Variants in UNC45A observed in about 807,000 individuals in gnomAD.
The protein encoded by UNC45A is protein unc-45 homolog A.
UNC45A carries 78 observed loss-of-function variants against 103.2 expected under a neutral mutation model. That is an observed-to-expected ratio of 0.76 (90% CI 0.63 to 0.91). The LOEUF is 0.91. Ranked by LOEUF, UNC45A falls within the 40% of genes least tolerant of loss-of-function variation. The probability of loss-of-function intolerance (pLI) is 0.00; values close to 1 mark genes in which losing one functional copy is unlikely to be tolerated. For synonymous variants in UNC45A, 495 were observed against 504.6 expected (o/e 0.98, Z 0.25); for missense variants, 1,193 against 1,224.8 (o/e 0.97, Z 0.39).
At chr15:90,940,527 A>G (rs1567151554) in intron 6 of UNC45A, 54 bp downstream of exon 6, 61 of 1,561,616 alleles carry the variant, frequency 3.9e-5, no homozygotes, top group Non-Finnish European at 5.0e-5. Flanking sequence ...CTGTCTGTCC[A>G]TCCATTCCTC....
chr15:90,932,828 A>C (rs981711603), upstream of UNC45A: 1 of 343,070 alleles, frequency 2.9e-6, no homozygotes, highest in Non-Finnish European at 5.2e-6. Context: ...AGGAAGACAG[A>C]CAAGAAATAA....
chr15:90,943,984 C>CTGT (rs2036426577), intron 8 of UNC45A, among the ~76,000 whole-genome samples: 1 of 99,814 alleles, frequency 1.0e-5, no homozygotes, highest in Non-Finnish European at 1.8e-5. Flanking sequence ...CCATTGTGCC[C>CTGT]TGTTTTTTTT....
chr15:90,948,708 A>G lies in UNC45A; in HGVS notation c.1792A>G (p.Asn598Asp). The change falls in exon 13 of 20, where the codon AAC becomes GAC. Residue 598 changes from asparagine (N) to aspartate (D), a missense_variant. Physicochemically the swap from Asn to Asp is conservative, Grantham distance 23. Transcript: ENST00000418476. ...GGCCTCAGCGCTGGTGAACTGCACC[A>G]ACAGCTATGACTACGAGGAGCCCGA... ...AVASALVNCTNSYDYEEPDPK... is the reference protein window; with the variant it reads ...AVASALVNCTDSYDYEEPDPK... 1 of 1,614,046 alleles carries G rather than the reference A, an allele frequency of 6.2e-7. No homozygotes were observed. Among genetic ancestry groups the G allele is most frequent in the Non-Finnish European group, 8.5e-7 (1 of 1,180,020 alleles).
Position 90,953,588 on chromosome 15 carries a change from AGT to A in UNC45A, c.2709_2710del (p.Ser903ArgfsTer11). On this transcript the variant is annotated frameshift_variant, in exon 20 of 20. Coordinates refer to ENST00000418476, the MANE Select transcript of UNC45A (RefSeq NM_018671.5). LOFTEE classifies it high-confidence loss of function. ...SREIASTLMESEMMEILSVLA... is the reference protein window; with the variant it reads ...SREIASTLMEXEMMEILSVLA... ...GGAGATTGCCAGCACCCTGATGGAGAGTGAGATGATGGAGATCTTGTCAGTGC... is the reference window on the plus strand; with the variant it reads ...GGAGATTGCCAGCACCCTGATGGAGAGAGATGATGGAGATCTTGTCAGTGC... 1.2e-6 allele frequency: 2 copies of A among 1,614,020 alleles called. No individual in the cohort carries two copies. Among genetic ancestry groups the A allele is most frequent in the South Asian group, 1.1e-5 (1 of 91,084 alleles).
intron 10 of UNC45A, 26 bp from the exon 11 acceptor site, chr15:90,947,770 C>G: frequency 6.3e-7 from 1 of 1,592,522 alleles, no homozygotes; most frequent in Non-Finnish European, 8.6e-7. Context: ...CCCCAGAGGC[C>G]AACTGGTCTT....
rs1182975564 is a variant in UNC45A at position 90,935,965 on chromosome 15, A to T, written c.233A>T (p.Glu78Val). The T allele has an allele frequency of 1.2e-6, 2 of 1,614,088 alleles. No homozygotes were observed. Among genetic ancestry groups the T allele is most frequent in the South Asian group, 1.1e-5 (1 of 91,084 alleles). ...TTACAGGAAGATTACGACAAAGCAG[A>T]AACAGAGGCATCCAAAGGTAGGGGA... ...HLKLEDYDKA[E>V]TEASKAIEKD... The change falls in exon 3 of 20, where the codon GAA becomes GTA. Residue 78 changes from glutamate to valine, a missense_variant. Coordinates refer to ENST00000418476, the MANE Select transcript of UNC45A (RefSeq NM_018671.5).
chr15:90,948,924 T>C, intron 13 of UNC45A, 130 bp downstream of exon 13: 2 of 1,156,086 alleles, frequency 1.7e-6, no homozygotes, highest in Non-Finnish European at 2.3e-6. Flanking sequence ...TCTCCCAGGC[T>C]GGAGTGCAGT....
intron 2 of UNC45A, 29 bp from the exon 3 acceptor site, chr15:90,935,917 T>C: frequency 6.2e-7 from 1 of 1,613,948 alleles, no homozygotes; most frequent in Non-Finnish European, 8.5e-7. Context: ...AGATGACCAT[T>C]CCTTCAGGCT....
chr15:90,947,292 A>G lies in UNC45A; in HGVS notation c.1500+378A>G, dbSNP rs568660705. On this transcript the variant is annotated intron_variant, in intron 10 of 19. Coordinates refer to ENST00000418476, the MANE Select transcript of UNC45A (RefSeq NM_018671.5). ...AAGACTGGGCCTGCAGGGGTCATGC[A>G]GTGTTCCTGGGAGCTGGTGGTTTGG... 4 of 275,678 alleles carry G rather than the reference A, an allele frequency of 1.5e-5. No homozygotes were observed. In the East Asian group the frequency reaches 2.4e-4, roughly 17 times the overall value. The allele number at this position is 275,678 out of a possible 1,614,324, so 17.1% of individuals were successfully genotyped here.
At chr15:90,943,135 C>G in intron 8 of UNC45A, 53 bp downstream of exon 8, 1 of 1,544,948 alleles carries the variant, frequency 6.5e-7, no homozygotes, top group South Asian at 1.2e-5. Flanking sequence ...TTTGTTTATT[C>G]TTAGGAGTAA....
upstream of UNC45A, chr15:90,931,694 G>A (rs779018863): frequency 6.2e-7 from 1 of 1,614,012 alleles, no homozygotes. Flanking sequence ...CAGCCCATAC[G>A]AAAGCGTACC....
intron 7 of UNC45A, 139 bp from the exon 8 acceptor site, chr15:90,942,773 G>T (rs774645278): frequency 2.0e-6 from 3 of 1,483,464 alleles, no homozygotes; most frequent in Non-Finnish European, 2.7e-6. Context: ...AGGTGCCTCA[G>T]GACAAAGCTG....
Position 90,940,458 on chromosome 15 carries a change from T to G in UNC45A, c.672T>G (p.Ser224=), listed in dbSNP as rs1469570041. 3 of 1,613,558 alleles carry G rather than the reference T, an allele frequency of 1.9e-6. No homozygotes were observed. Among genetic ancestry groups the G allele is most frequent in the Non-Finnish European group, 8.5e-7 (1 of 1,179,620 alleles). The change falls in exon 6 of 20, where the codon TCT becomes TCG. Residue 224 remains serine (S), a synonymous_variant. Coordinates refer to ENST00000418476, the MANE Select transcript of UNC45A (RefSeq NM_018671.5). ...TGCGTACGCTGGTTGGCATTTGCTC[T>G]GAGCATCAGTCACGGGTAGGTGGAG... ...AALRTLVGIC[S]EHQSRTVATL... is the part of the protein sequence containing the mutation.
At chr15:90,948,421 A>C in intron 12 of UNC45A, 138 bp downstream of exon 12, 1 of 1,371,504 alleles carries the variant, frequency 7.3e-7, no homozygotes, top group East Asian at 2.4e-5. Context: ...TGCTCTGTGT[A>C]GTGTGGGCAT....
At chr15:90,939,886 C>G in intron 5 of UNC45A, 63 bp downstream of exon 5, 2 of 1,375,768 alleles carry the variant, frequency 1.5e-6, no homozygotes, top group Non-Finnish European at 1.9e-6. Context: ...CATAGGCCCC[C>G]GAAGCCACTG....
chr15:90,948,046 G>A lies in UNC45A; in HGVS notation c.1596-96G>A, dbSNP rs184917991. On this transcript the variant is annotated intron_variant, in intron 11 of 19. Transcript: ENST00000418476. ...TACGTGAACTGCTTCTGTACATTGAGGGGATGCCCAAACCCTTGGTTTTTC... is the reference window on the plus strand; with the variant it reads ...TACGTGAACTGCTTCTGTACATTGAAGGGATGCCCAAACCCTTGGTTTTTC... The A allele has an allele frequency of 7.7e-5, 120 of 1,565,048 alleles. No individual in the cohort carries two copies. The African/African-American group carries it at 1.3e-3, about 17-fold the overall frequency.
In UNC45A at chr15:90,947,638, C is replaced by A; in HGVS notation, c.1501-158C>A. On this transcript the variant is annotated intron_variant, in intron 10 of 19. Transcript: ENST00000418476. ...CAGTAGCTGATTTTCTTGCCACATG[C>A]TCTAGGTGGTGGTCTGGAGGGAGAG... 7 of 614,892 alleles carry A rather than the reference C, an allele frequency of 1.1e-5. No individual in the cohort carries two copies. The South Asian group carries it at 1.3e-4, about 11-fold the overall frequency. 38.1% of individuals were successfully genotyped at this position (614,892 alleles called of 1,614,324 possible). A position where few individuals can be genotyped will look rare whatever the true frequency, so the allele number is the denominator to read the frequency against.
chr15:90,943,986 G>GTTTTTTTTTTTTT (rs953436599), intron 8 of UNC45A, among the ~76,000 whole-genome samples: 15 of 78,320 alleles, frequency 1.9e-4, no homozygotes, highest in African/African-American at 3.5e-4. Flanking sequence ...ATTGTGCCCT[G>GTTTTTTTTTTTTT]TTTTTTTTTT....
At chr15:90,938,352 A>C (rs1180991465) in intron 4 of UNC45A, among the ~76,000 whole-genome samples, 1 of 152,168 alleles carries the variant, frequency 6.6e-6, no homozygotes, top group African/African-American at 2.4e-5. Flanking sequence ...TGACGTTAAA[A>C]TGCTGACACA....
Sources: gnomAD v4.1 joint callset for allele counts (sites outside exome capture counted in the v4.1 genomes callset) on GRCh38, gnomAD v4.1.1 for gene constraint, MANE v1.5 for transcripts, NCBI Gene and HGNC (gene_info 2026-07-23, HGNC 2026-07-21) for gene names.